The following TAB2 variants were observed in gnomAD, a reference collection of about 807,000 sequenced individuals.
TAB2 encodes TGF-beta activated kinase 1 (MAP3K7) binding protein 2, also known as TGF-beta-activated kinase 1 and MAP3K7-binding protein 2.
TAB2 carries 3 observed loss-of-function variants against 65.0 expected under a neutral mutation model. The ratio of observed to expected loss-of-function variants is 0.05; its 90% confidence interval spans 0.02 to 0.12. TAB2 has a LOEUF of 0.12. Among genes scored for constraint, TAB2 ranks in the 10% least tolerant of loss-of-function variants. TAB2 has a pLI of 1.00. For missense variants in TAB2, 623 were observed against 840.3 expected, an observed-to-expected ratio of 0.74 and a Z score of 3.20; for synonymous variants, 298 against 285.1, an observed-to-expected ratio of 1.05 and a Z score of -0.46.
chr6:149,238,141 A>T (rs2114639691), intron 1 of TAB2, among the ~76,000 whole-genome samples: 1 of 152,178 alleles, frequency 6.6e-6, no homozygotes, highest in Non-Finnish European at 1.5e-5. Context: ...CCTGTCTCCC[A>T]TCACTTTGGA....
chr6:149,334,346 C>T (rs1317733685), intron 1 of TAB2, among the ~76,000 whole-genome samples: 1 of 152,064 alleles, frequency 6.6e-6, no homozygotes, highest in African/African-American at 2.4e-5. Flanking sequence ...ACGATTCAGC[C>T]AGTTTTTAGG....
intron 1 of TAB2, among the ~76,000 whole-genome samples, chr6:149,264,684 CCAGGAAG>C (rs1243240127): frequency 6.6e-6 from 1 of 152,116 alleles, no homozygotes; most frequent in Non-Finnish European, 1.5e-5. Flanking sequence ...CTGAAGGAAA[CCAGGAAG>C]CAGAGTAGGA....
At chr6:149,299,105 A>G (rs997538271) in intron 1 of TAB2, among the ~76,000 whole-genome samples, 2 of 152,256 alleles carry the variant, frequency 1.3e-5, no homozygotes, top group African/African-American at 2.4e-5. Context: ...TTTCATATAT[A>G]GCAGAAAATG....
chr6:149,377,209 T>C (rs532511241), intron 2 of TAB2, among the ~76,000 whole-genome samples: 1 of 151,810 alleles, frequency 6.6e-6, no homozygotes, highest in East Asian at 1.9e-4. Context: ...TAGCTGGGAC[T>C]ACAGGCGCCC....
At chr6:149,317,067 G>A (rs1235384513), upstream of TAB2, among the ~76,000 whole-genome samples, 3 of 150,276 alleles carry the variant, frequency 2.0e-5, no homozygotes, top group Admixed American at 1.3e-4. The surrounding 1 kb of genome is among the most constrained non-coding windows in gnomAD (Gnocchi z 4.7). Flanking sequence ...GACCCCACCC[G>A]CGCGGCGCCG....
At chr6:149,347,175 TG>T (rs1183014411) in intron 1 of TAB2, 1 of 152,224 alleles carries the variant, frequency 6.6e-6, no homozygotes, top group Non-Finnish European at 1.5e-5. Flanking sequence ...CCTTAGAAAA[TG>T]TAGTACCTAC....
rs1200077031 is a variant in TAB2 at position 149,369,978 on chromosome 6, C to T, written c.-20C>T. On this transcript the variant is annotated 5_prime_UTR_variant, in exon 2 of 7. Coordinates refer to ENST00000637181, the MANE Select transcript of TAB2 (RefSeq NM_001292034.3). Reference sequence around the variant, plus strand: ...TAGAATTGCCTACTGTACAAATAGTCCTGATCAGGCAATATACGAATGGCC... The same window carrying T: ...TAGAATTGCCTACTGTACAAATAGTTCTGATCAGGCAATATACGAATGGCC... 36 of 1,595,550 alleles carry T rather than the reference C, an allele frequency of 2.3e-5. No individual in the cohort carries two copies. Among genetic ancestry groups the T allele is most frequent in the Non-Finnish European group, 3.1e-5 (36 of 1,163,264 alleles).
chr6:149,371,641 T>TA (rs985170845), intron 2 of TAB2, among the ~76,000 whole-genome samples: 12 of 151,882 alleles, frequency 7.9e-5, no homozygotes, highest in Admixed American at 2.6e-4. Flanking sequence ...ACAGTGGGAA[T>TA]AAAAAAAACT....
chr6:149,253,617 C>A (rs1238613048), intron 1 of TAB2, among the ~76,000 whole-genome samples: 385 of 65,076 alleles, frequency 5.9e-3, no homozygotes, highest in Middle Eastern at 0.016. Context: ...AAGACTGTCT[C>A]AAAAAAAAAA....
In TAB2 at chr6:149,248,220, C is replaced by T. The variant is rs550635560; in HGVS notation, c.-121+29444C>T. ...CAACCTAACCAACATGGCGAAACCC[C>T]GTCTCTACTAAAAATACAAAAATTA... On this transcript the variant is annotated intron_variant, in intron 1 of 1. Transcript: ENST00000606202. Among the ~76,000 whole-genome samples, 9 of 152,082 alleles carry T rather than the reference C, an allele frequency of 5.9e-5. No homozygotes were observed. The South Asian group carries it at 1.0e-3, about 18-fold the overall frequency.
Position 149,378,066 on chromosome 6 carries a change from A to T in TAB2, c.151A>T (p.Thr51Ser). 1 of 1,614,150 alleles carries T rather than the reference A, an allele frequency of 6.2e-7. No individual in the cohort carries two copies. The highest frequency in any genetic ancestry group is 8.5e-7 in the Non-Finnish European group (1 of 1,180,000). Residue 51 changes from threonine (T) to serine (S), a missense_variant, in exon 3 of 7, where the codon ACA (threonine) becomes TCA (serine). Physicochemically the swap from Thr to Ser is moderately conservative, Grantham distance 58. Coordinates refer to ENST00000637181, the MANE Select transcript of TAB2 (RefSeq NM_001292034.3). ...CTGTGCTGTTCTCTCTCAGGAGAGT[A>T]CAAGATATCTTTATGGTGAAGGAGA... ...ACCAVLSQES[T>S]RYLYGEGDLN...
chr6:149,219,829 C>T (rs903101316), intron 1 of TAB2, among the ~76,000 whole-genome samples: 1 of 152,132 alleles, frequency 6.6e-6, no homozygotes, highest in South Asian at 2.1e-4. Flanking sequence ...AGACCCTTAC[C>T]GTACTCTGTA....
chr6:149,288,072 T>G (rs979263751), intron 1 of TAB2, among the ~76,000 whole-genome samples: 12 of 152,224 alleles, frequency 7.9e-5, no homozygotes, highest in Non-Finnish European at 2.9e-5. Flanking sequence ...CAGTAAATAT[T>G]GTTAAACCTT....
intron 1 of TAB2, chr6:149,291,341 T>C (rs1172985281): frequency 1.3e-5 from 2 of 152,232 alleles, no homozygotes; most frequent in East Asian, 3.8e-4. Context: ...TCAGTAGAAA[T>C]ATTATTTTAA....
chr6:149,392,289 C>T (rs759850337), intron 3 of TAB2, among the ~76,000 whole-genome samples: 21 of 152,110 alleles, frequency 1.4e-4, no homozygotes, highest in Non-Finnish European at 2.6e-4. Context: ...TACAGGCACG[C>T]GCCACTACCA....
chr6:149,265,887 T>C lies in TAB2; in HGVS notation c.-121+47111T>C, dbSNP rs9498275. On this transcript the variant is annotated intron_variant, in intron 1 of 1. Coordinates refer to the TAB2 transcript ENST00000606202. ...TTCTCTTCTCCAGCCAACTGGGAGG[T>C]TGCCCCTGAGCGAGGAATGTTCATC... Among the ~76,000 whole-genome samples the C allele has an allele frequency of 5.6e-3, 856 of 152,170 alleles. 8 individuals are homozygous for C. The highest frequency in any genetic ancestry group is 0.02 in the African/African-American group (831 of 41,500).
At chr6:149,254,059 G>GAGGAAGGAAGGAAGGAAGGA (rs202028741) in intron 1 of TAB2, among the ~76,000 whole-genome samples, 161 of 103,732 alleles carry the variant, frequency 1.6e-3, no homozygotes, top group East Asian at 9.9e-3. Flanking sequence ...GGGAGAGAGG[G>GAGGAAGGAAGGAAGGAAGGA]AGGAAGGAAG....
chr6:149,396,905 A>T lies in TAB2; in HGVS notation c.1604-699A>T, dbSNP rs149939330. On this transcript the variant is annotated intron_variant, in intron 3 of 6. Transcript: ENST00000637181. ...CTTCTAAAATATCTATAACATTTTC[A>T]TATTAGAATGCTTCATTCATAGACC... Among the ~76,000 whole-genome samples the T allele has an allele frequency of 1.2e-3, 189 of 152,388 alleles. 1 individual carries two copies. Among genetic ancestry groups the T allele is most frequent in the African/African-American group, 4.3e-3 (179 of 41,598 alleles).
At chr6:149,276,796 C>A (rs1431410360) in intron 1 of TAB2, among the ~76,000 whole-genome samples, 1 of 152,114 alleles carries the variant, frequency 6.6e-6, no homozygotes, top group Admixed American at 6.6e-5. Flanking sequence ...TTCAACAATT[C>A]CATTTCTAGG....
Sources: gnomAD v4.1 joint callset for allele counts (sites outside exome capture counted in the v4.1 genomes callset) on GRCh38, gnomAD v4.1.1 for gene constraint, Gnocchi (gnomAD v3.1) non-coding constraint, MANE v1.5 for transcripts, NCBI Gene and HGNC (gene_info 2026-07-23, HGNC 2026-07-21) for gene names.